PRDM9: variants seen among roughly 807,000 people sequenced by gnomAD.
The protein encoded by PRDM9 is histone-lysine N-methyltransferase PRDM9.
A neutral mutation model predicts 55.6 loss-of-function variants in PRDM9; 47 were observed. The ratio of observed to expected loss-of-function variants is 0.85; its 90% CI spans 0.67 to 1.08. The LOEUF (loss-of-function observed/expected upper bound fraction) is 1.08, where lower values mean the gene tolerates loss of function less well. PRDM9 is among the 50% of genes least tolerant of loss of function. The pLI is 0.00. For synonymous variants in PRDM9, 312 were observed against 375.7 expected (o/e 0.83, Z 1.96); for missense variants, 867 against 1,040.3 (o/e 0.83, Z 2.29).
chr5:23,510,093 C>T (rs1322591907), intron 4 of PRDM9, 66 bp downstream of exon 4: 48 of 1,430,528 alleles, frequency 3.4e-5, no homozygotes, highest in Admixed American at 1.6e-4. Context: ...TTGCTCTTTT[C>T]ACCCAGGCTG....
intron 1 of PRDM9, among the ~76,000 whole-genome samples, chr5:23,508,714 AGCCTAGCT>A (rs1211944896): frequency 6.6e-6 from 1 of 152,030 alleles, no homozygotes; most frequent in Non-Finnish European, 1.5e-5. Context: ...TCTCCAAATG[AGCCTAGCT>A]GCAGGGGAAC....
At chr5:23,510,388 A>G (rs1264071838) in intron 4 of PRDM9, among the ~76,000 whole-genome samples, 1 of 151,252 alleles carries the variant, frequency 6.6e-6, no homozygotes, top group Non-Finnish European at 1.5e-5. Flanking sequence ...TTTTTGAGAC[A>G]GGGTCTCCCT....
At position 23,524,545 on chromosome 5, in the gene PRDM9, T is replaced by C; in HGVS notation, c.1144+18T>C. On this transcript the variant is annotated intron_variant, in intron 10 of 10. Coordinates refer to ENST00000296682, the MANE Select transcript of PRDM9 (RefSeq NM_020227.4). ...AGGGAGAGGTAGGCATCACTATTAC[T>C]CTTTTAAAAGGACAGGAAAGAAAGA... The C allele has an allele frequency of 6.2e-7, 1 of 1,613,432 alleles. No individual in the cohort carries two copies. Among genetic ancestry groups the C allele is most frequent in the Non-Finnish European group, 8.5e-7 (1 of 1,179,416 alleles).
At chr5:23,517,095 G>A (rs993423446) in intron 4 of PRDM9, among the ~76,000 whole-genome samples, 1 of 148,502 alleles carries the variant, frequency 6.7e-6, no homozygotes, top group Non-Finnish European at 1.5e-5. Context: ...GGAGCTTGCA[G>A]TGAGCCAAGA....
rs766263099 is a variant in PRDM9, at chr5:23,527,400, C to G, written c.2312C>G (p.Thr771Arg). The G allele has an allele frequency of 6.3e-7, 1 of 1,589,236 alleles. No homozygotes were observed. Among genetic ancestry groups the G allele is most frequent in the Non-Finnish European group, 8.5e-7 (1 of 1,171,942 alleles). ...CTCCTCAGACACCAGAGGACACACACAGGGGAGAAGCCCTATGTCTGCAGG... is the reference window on the plus strand; with the variant it reads ...CTCCTCAGACACCAGAGGACACACAGAGGGGAGAAGCCCTATGTCTGCAGG... The part of the protein sequence containing the change: ...SHLLRHQRTH[T>R]GEKPYVCREC... Residue 771 changes from threonine to arginine, a missense_variant, in exon 11 of 11, where the codon ACA becomes AGA. Physicochemically the swap from Thr to Arg is moderately conservative, Grantham distance 71 (BLOSUM62 -1). Coordinates refer to ENST00000296682, the MANE Select transcript of PRDM9 (RefSeq NM_020227.4).
intron 4 of PRDM9, among the ~76,000 whole-genome samples, chr5:23,514,569 C>A (rs1739165742): frequency 6.6e-6 from 1 of 152,034 alleles, no homozygotes; most frequent in South Asian, 2.1e-4. Flanking sequence ...CTGCCTCAGC[C>A]CCCCACGTAG....
At chr5:23,517,759 C>G (rs1290945678) in intron 4 of PRDM9, 122 bp from the exon 5 acceptor site, 3 of 988,058 alleles carry the variant, frequency 3.0e-6, no homozygotes, top group South Asian at 1.3e-5. Flanking sequence ...TGCACTCCAG[C>G]CTGGGCGACA....
chr5:23,517,195 G>A (rs1333390610), intron 4 of PRDM9, among the ~76,000 whole-genome samples: 1 of 142,324 alleles, frequency 7.0e-6, no homozygotes, highest in Non-Finnish European at 1.5e-5. Flanking sequence ...TTTCTTTTAT[G>A]ATCTTTTTAT....
chr5:23,508,548 T>C (rs1579586864), intron 1 of PRDM9, among the ~76,000 whole-genome samples: 1 of 152,242 alleles, frequency 6.6e-6, no homozygotes, highest in East Asian at 1.9e-4. Flanking sequence ...GAAATGTTCA[T>C]TTTGTCTCGC....
intron 1 of PRDM9, among the ~76,000 whole-genome samples, chr5:23,508,410 C>G (rs1311758091): frequency 6.6e-6 from 1 of 152,094 alleles, no homozygotes; most frequent in Non-Finnish European, 1.5e-5. Context: ...TAAGACATCT[C>G]AAATCCCCTC....
chr5:23,517,118 A>C (rs1739227786), intron 4 of PRDM9, among the ~76,000 whole-genome samples: 2 of 143,268 alleles, frequency 1.4e-5, no homozygotes, highest in Non-Finnish European at 3.0e-5. Flanking sequence ...GTACCACTGC[A>C]CTCCAGCCTG....
chr5:23,520,105 C>T (rs958034674), intron 5 of PRDM9, among the ~76,000 whole-genome samples: 7 of 150,716 alleles, frequency 4.6e-5, no homozygotes, highest in African/African-American at 1.5e-4. Flanking sequence ...GGGCTCATGC[C>T]TATAATCCCA....
chr5:23,517,951 A>G (rs200656137), intron 5 of PRDM9, 21 bp downstream of exon 5: 4 of 1,564,596 alleles, frequency 2.6e-6, no homozygotes, highest in Admixed American at 1.7e-5. Flanking sequence ...CCCAAATCCT[A>G]TTGACAAGAA....
At chr5:23,509,624 T>A (rs754942104) in intron 3 of PRDM9, 31 bp downstream of exon 3, 76 of 1,613,954 alleles carry the variant, frequency 4.7e-5, no homozygotes, top group Admixed American at 5.0e-5. Context: ...CAGACCAGCC[T>A]GGGAGACATA....
intron 4 of PRDM9, among the ~76,000 whole-genome samples, chr5:23,517,034 T>C (rs1739224858): frequency 6.7e-6 from 1 of 148,732 alleles, no homozygotes; most frequent in African/African-American, 2.5e-5. Flanking sequence ...GCGCCTGTAG[T>C]CCCAGCTACT....
chr5:23,510,990 TAAAAA>T (rs879556929), intron 4 of PRDM9, among the ~76,000 whole-genome samples: 2 of 138,132 alleles, frequency 1.4e-5, no homozygotes, highest in African/African-American at 5.3e-5. Context: ...CACTAAAAAT[TAAAAA>T]AAAAAAAAAA....
chr5:23,512,213 G>A (rs1739112739), intron 4 of PRDM9, among the ~76,000 whole-genome samples: 1 of 152,040 alleles, frequency 6.6e-6, no homozygotes, highest in African/African-American at 2.4e-5. Flanking sequence ...CTCGATTCTG[G>A]AGCGGGTTTG....
intron 4 of PRDM9, among the ~76,000 whole-genome samples, chr5:23,512,942 G>C (rs886619792): frequency 6.6e-6 from 1 of 152,122 alleles, no homozygotes; most frequent in Non-Finnish European, 1.5e-5. Context: ...CCATGTCATA[G>C]CATGTGACAA....
In PRDM9 at chr5:23,522,352, G is replaced by T; in HGVS notation, c.557G>T (p.Arg186Ile). Residue 186 changes from arginine (R) to isoleucine (I), a missense_variant, in exon 7 of 11, where the codon AGA becomes ATA. This residue lies in a region of PRDM9 where 662 missense variants were observed against 711.9 expected (regional missense o/e 0.93). Coordinates refer to ENST00000296682, the MANE Select transcript of PRDM9 (RefSeq NM_020227.4). ...TERKMYSLRE[R>I]KGHAYKEVSE... is the part of the protein sequence containing the mutation. The stretch of plus-strand genomic sequence containing the variant: ...AGAAAGATGTATAGCCTGCGAGAAA[G>T]AAAGGGTCATGCATACAAAGAGGTC... 1 of 1,614,140 alleles carries T rather than the reference G, an allele frequency of 6.2e-7. No individual in the cohort carries two copies. Among genetic ancestry groups the T allele is most frequent in the Non-Finnish European group, 8.5e-7 (1 of 1,180,028 alleles).
Sources: allele counts gnomAD v4.1 joint callset (sites outside exome capture counted in the v4.1 genomes callset), GRCh38; gene constraint gnomAD v4.1.1; regional missense constraint gnomAD v4.1.1; transcripts MANE v1.5; gene names NCBI Gene and HGNC (gene_info 2026-07-23, HGNC 2026-07-21).